The following REV3L variants were observed in gnomAD, a reference collection of about 807,000 sequenced individuals.
REV3L encodes DNA polymerase zeta catalytic subunit.
REV3L carries 69 observed loss-of-function variants against 299.4 expected under a neutral mutation model. That is an observed-to-expected ratio of 0.23 (90% CI 0.19 to 0.28). The LOEUF is 0.28. REV3L is among the 10% of genes least tolerant of loss of function. The pLI, the probability that REV3L is intolerant of heterozygous loss-of-function variation, is 1.00. For missense variants in REV3L, 3,128 were observed against 3,693.8 expected, an observed-to-expected ratio of 0.85 and a Z score of 3.97; for synonymous variants, 1,238 against 1,271.4, an observed-to-expected ratio of 0.97 and a Z score of 0.56.
intron 18 of REV3L, among the ~76,000 whole-genome samples, chr6:111,355,036 T>G (rs1439936760): frequency 6.6e-6 from 1 of 152,076 alleles, no homozygotes; most frequent in Non-Finnish European, 1.5e-5. Flanking sequence ...GAATCATAGT[T>G]ATATTTAAGT....
chr6:111,311,063 C>T lies in REV3L; in HGVS notation c.8795+6G>A. 1 of 1,609,928 alleles carries T rather than the reference C, an allele frequency of 6.2e-7. No individual in the cohort carries two copies. Among genetic ancestry groups the T allele is most frequent in the Non-Finnish European group, 8.5e-7 (1 of 1,178,208 alleles). ...TATCCTGGCAAGGTACTGAGGGTAT[C>T]ATTACCTTGTAAGTTCAAGGGCTGG... is the stretch of plus-strand genomic sequence containing the variant. On this transcript the variant is annotated splice_donor_region_variant and intron_variant, in intron 29 of 31. Coordinates refer to ENST00000368802, the MANE Select transcript of REV3L (RefSeq NM_001372078.1).
chr6:111,414,531 C>T (rs1310617905), intron 2 of REV3L, among the ~76,000 whole-genome samples: 4 of 152,096 alleles, frequency 2.6e-5, no homozygotes, highest in African/African-American at 4.8e-5. Context: ...AAGAGTACTT[C>T]TGCTGCTCTG....
intron 4 of REV3L, among the ~76,000 whole-genome samples, chr6:111,394,080 C>T (rs1361966994): frequency 6.6e-6 from 1 of 152,162 alleles, no homozygotes; most frequent in Admixed American, 6.5e-5. Context: ...ATAAACAGTG[C>T]TGCAATAAAC....
intron 25 of REV3L, among the ~76,000 whole-genome samples, chr6:111,323,307 C>T (rs979373178): frequency 2.6e-5 from 4 of 152,114 alleles, no homozygotes; most frequent in African/African-American, 9.7e-5. Context: ...TTCTTATGTG[C>T]CCTTACAACT....
intron 1 of REV3L, among the ~76,000 whole-genome samples, chr6:111,466,113 G>A (rs975007980): frequency 1.3e-5 from 2 of 151,948 alleles, no homozygotes; most frequent in African/African-American, 4.8e-5. Flanking sequence ...TAAAAATGGA[G>A]GTTATATTAC....
At position 111,309,551 on chromosome 6, in the gene REV3L, G is replaced by A. The variant is rs564050809; in HGVS notation, c.9042+302C>T. ...TCGTGTGTCTGCCCACTAGGGTCTC[G>A]GGTTTTTATAGGCCCAGGATTGGGG... On this transcript the variant is annotated intron_variant, in intron 30 of 31. Transcript: ENST00000368802. The A allele has an allele frequency of 2.3e-4, 48 of 213,244 alleles. No homozygotes were observed. The Admixed American group carries it at 2.4e-3, about 11-fold the overall frequency. 13.2% of individuals were successfully genotyped at this position (213,244 alleles called of 1,614,324 possible).
rs1422310533 is a variant in REV3L at position 111,351,747 on chromosome 6, G to A, written c.7229C>T (p.Ser2410Phe). ...ILLGYEIQMH[S>F]WGYLLQRAAA... ...AGCCCTTTGTAAGAGGTAACCCCAG[G>A]AATGCATCTGAATCTCATATCCTAG... The change falls in exon 19 of 32, where the codon TCC (serine) becomes TTC (phenylalanine). Residue 2410 changes from serine (S) to phenylalanine (F), a missense_variant. Transcript: ENST00000368802. 1 of 1,613,430 alleles carries A rather than the reference G, an allele frequency of 6.2e-7. No homozygotes were observed. The highest frequency in any genetic ancestry group is 1.3e-5 in the African/African-American group (1 of 74,952).
chr6:111,372,705 G>C lies in REV3L; in HGVS notation c.5650C>G (p.Pro1884Ala). ...TANILKPLMS[P>A]PSREEIMATL... ...GCCATAATTTCTTCCCTACTTGGGG[G>C]GGACATAAGTGGTTTCAGAATGTTA... The change falls in exon 13 of 32, where the codon CCC (proline) becomes GCC (alanine). Residue 1884 changes from proline (P) to alanine (A), a missense_variant. Transcript: ENST00000368802. 1.9e-6 allele frequency: 3 copies of C among 1,605,788 alleles called. No homozygotes were observed. Among genetic ancestry groups the C allele is most frequent in the Non-Finnish European group, 2.5e-6 (3 of 1,176,500 alleles).
chr6:111,378,170 A>T (rs1780496258), intron 11 of REV3L, among the ~76,000 whole-genome samples: 1 of 152,174 alleles, frequency 6.6e-6, no homozygotes, highest in South Asian at 2.1e-4. Flanking sequence ...AAGATGAGTG[A>T]AGGGGCATTG....
chr6:111,368,215 T>C (rs1249171673), intron 13 of REV3L, among the ~76,000 whole-genome samples, 187 bp from the exon 14 acceptor site: 2 of 152,222 alleles, frequency 1.3e-5, no homozygotes, highest in Non-Finnish European at 2.9e-5. Flanking sequence ...CACAGGTATA[T>C]GACTACTACT....
chr6:111,323,708 CATT>C (rs1774444415), intron 25 of REV3L, among the ~76,000 whole-genome samples: 1 of 152,062 alleles, frequency 6.6e-6, no homozygotes, highest in South Asian at 2.1e-4. Flanking sequence ...TTATTAAACT[CATT>C]AAAGCTAAGA....
At chr6:111,303,701 CTTTTTTTTTTTTTTTTTTTTTTT>C (rs58366929) in intron 31 of REV3L, among the ~76,000 whole-genome samples, 19 of 12,642 alleles carry the variant, frequency 1.5e-3, no homozygotes, top group African/African-American at 4.0e-3. Context: ...CAGACTATGA[CTTTTTTTTTTTTTTTTTTTTTTT>C]TTTTTTTTTT....
At chr6:111,402,192 A>G (rs1464355741) in intron 4 of REV3L, among the ~76,000 whole-genome samples, 1 of 152,136 alleles carries the variant, frequency 6.6e-6, no homozygotes, top group African/African-American at 2.4e-5. Context: ...ATCTGAGTCT[A>G]TTACTAGACC....
intron 22 of REV3L, among the ~76,000 whole-genome samples, chr6:111,334,417 A>G (rs1775708545): frequency 6.6e-6 from 1 of 152,320 alleles, no homozygotes; most frequent in South Asian, 2.1e-4. Flanking sequence ...AGTTTTTCAA[A>G]GAAAGAAACA....
chr6:111,461,046 G>A (rs1222710276), intron 1 of REV3L, among the ~76,000 whole-genome samples: 1 of 152,098 alleles, frequency 6.6e-6, no homozygotes, highest in African/African-American at 2.4e-5. Context: ...ACTAGCTTAT[G>A]TATTTATTAT....
rs9487649 is a variant in REV3L, at chr6:111,483,038, G to T, written c.-150C>A. The T allele has an allele frequency of 6.8e-6, 7 of 1,025,818 alleles. No individual in the cohort carries two copies. The African/African-American group carries it at 1.0e-4, about 15-fold the overall frequency. 63.5% of individuals were successfully genotyped at this position (1,025,818 alleles called of 1,614,324 possible). The stretch of plus-strand genomic sequence containing the variant: ...CACAGAGGCACCTCGAGGAGCGGCG[G>T]GCGGGGCGGTGTAGGCGCTGCTGCC... On this transcript the variant is annotated 5_prime_UTR_variant, in exon 1 of 32. Coordinates refer to ENST00000368802, the MANE Select transcript of REV3L (RefSeq NM_001372078.1).
At chr6:111,344,814 C>T (rs922759150) in intron 20 of REV3L, among the ~76,000 whole-genome samples, 2 of 152,212 alleles carry the variant, frequency 1.3e-5, no homozygotes, top group Admixed American at 6.5e-5. Context: ...CAGCACTTCA[C>T]ATTTGTATAT....
At chr6:111,441,787 G>C (rs1027223803) in intron 1 of REV3L, among the ~76,000 whole-genome samples, 1 of 152,122 alleles carries the variant, frequency 6.6e-6, no homozygotes, top group Non-Finnish European at 1.5e-5. Context: ...TCTTTACATA[G>C]TGTGAGTCTA....
At chr6:111,338,194 T>C (rs550501040) in intron 21 of REV3L, among the ~76,000 whole-genome samples, 3 of 152,232 alleles carry the variant, frequency 2.0e-5, no homozygotes, top group East Asian at 1.9e-4. Context: ...CCTTGAAATC[T>C]GTAGGTGGTG....
Sources: allele counts gnomAD v4.1 joint callset (sites outside exome capture counted in the v4.1 genomes callset), GRCh38; gene constraint gnomAD v4.1.1; transcripts MANE v1.5; gene names NCBI Gene and HGNC (gene_info 2026-07-23, HGNC 2026-07-21).